LRRC9: variants seen among roughly 807,000 people sequenced by gnomAD.
The protein encoded by LRRC9 is leucine rich repeat containing 9.
In LRRC9, 122 loss-of-function variants were observed where a neutral mutation model predicts 63.2. The observed-to-expected ratio is 1.93, with a 90% confidence interval of 1.67 to 2.24. The LOEUF is 2.24. LRRC9 is among the 30% of genes most tolerant of loss of function. The probability of loss-of-function intolerance (pLI) is 0.00; values close to 1 mark genes in which losing one functional copy is unlikely to be tolerated. For missense variants in LRRC9, 1,071 were observed against 627.7 expected, an observed-to-expected ratio of 1.71 and a Z score of -7.55; for synonymous variants, 366 against 213.1, an observed-to-expected ratio of 1.72 and a Z score of -6.25.
chr14:60,064,562 A>G (rs1438258300), downstream of LRRC9, among the ~76,000 whole-genome samples: 1 of 152,200 alleles, frequency 6.6e-6, no homozygotes, highest in Non-Finnish European at 1.5e-5. Flanking sequence ...TAATATTTAA[A>G]AGTTCAAACC....
chr14:60,055,907 A>AG (rs1491387123), intron 30 of LRRC9, among the ~76,000 whole-genome samples: 4 of 7,002 alleles, frequency 5.7e-4, no homozygotes, highest in South Asian at 4.8e-3. Flanking sequence ...CCTGTCTTGG[A>AG]AAAAAAAAAA....
rs1322685138 is a variant in LRRC9 at position 60,019,119 on chromosome 14, A to G, written c.3427-2A>G. 3.0e-5 allele frequency: 20 copies of G among 669,836 alleles called. No individual in the cohort carries two copies. Among genetic ancestry groups the G allele is most frequent in the Non-Finnish European group, 4.6e-5 (17 of 372,554 alleles). 41.5% of individuals were successfully genotyped at this position (669,836 alleles called of 1,614,324 possible). On this transcript the variant is annotated splice_acceptor_variant, in intron 25 of 31. Transcript: ENST00000445360. LOFTEE classifies it high-confidence loss of function. ...CTGATTAATAAGATATTCTTTCTGT[A>G]GGTCTTATGCCTTAACTATAATCAT...
At chr14:59,977,272 C>T in exon 14 of LRRC9, 1 of 700,682 alleles carries the variant, frequency 1.4e-6, no homozygotes, top group Non-Finnish European at 2.6e-6. Context: ...TGTTCAGGCC[C>T]ATGAAAAAGA....
intron 29 of LRRC9, among the ~76,000 whole-genome samples, chr14:60,052,352 T>C (rs947732647): frequency 1.3e-5 from 2 of 152,248 alleles, no homozygotes; most frequent in Admixed American, 6.5e-5. Flanking sequence ...GCAATTTGTA[T>C]GTTATGTTTT....
At chr14:59,925,056 G>A (rs6573291) in intron 1 of LRRC9, among the ~76,000 whole-genome samples, 5 of 151,604 alleles carry the variant, frequency 3.3e-5, no homozygotes, top group Admixed American at 6.6e-5. Flanking sequence ...TCCTCCCACC[G>A]CTGTCATTCT....
At position 59,936,875 on chromosome 14, in the gene LRRC9, A is replaced by G. The variant is rs1048164643; in HGVS notation, c.544-1515A>G. Among the ~76,000 whole-genome samples, 1 of 151,876 alleles carries G rather than the reference A, an allele frequency of 6.6e-6. No homozygotes were observed. The highest frequency in any genetic ancestry group is 1.5e-5 in the Non-Finnish European group (1 of 67,972). ...ACTTCACTATTCCCTTTTCCATTCC[A>G]TTTTTACTGTAGCTTTAGACCTAAT... On this transcript the variant is annotated intron_variant, in intron 6 of 31. Transcript: ENST00000445360. This position sits in a 1 kb window ranked among gnomAD's most constrained non-coding sequence, Gnocchi z 4.2.
intron 8 of LRRC9, 106 bp downstream of exon 8, chr14:59,944,850 ACACACACACACACACT>A: frequency 2.9e-6 from 1 of 349,344 alleles, no homozygotes. Flanking sequence ...CATATATAAT[ACACACACACACACACT>A]CACACACACA....
At chr14:60,062,011 AC>A (rs1894685963) in intron 31 of LRRC9, 4 of 398,632 alleles carry the variant, frequency 1.0e-5, no homozygotes, top group African/African-American at 2.1e-5. Flanking sequence ...CTAATTTCAG[AC>A]AAAAAAAACA....
chr14:60,048,232 A>G (rs1303411729), intron 29 of LRRC9, among the ~76,000 whole-genome samples: 4 of 152,168 alleles, frequency 2.6e-5, no homozygotes, highest in African/African-American at 9.7e-5. Flanking sequence ...CAAAAGAACT[A>G]GAAACCAAGA....
rs560680685 is a variant in LRRC9, at chr14:59,999,619, G to T, written c.2529+393G>T. Among the ~76,000 whole-genome samples the T allele has an allele frequency of 3.3e-5, 5 of 152,048 alleles. No individual in the cohort carries two copies. The South Asian group carries it at 1.0e-3, about 31-fold the overall frequency. On this transcript the variant is annotated intron_variant, in intron 19 of 31. Transcript: ENST00000445360. ...TTAATATTAACATTATATTTGTTTG[G>T]CTGAAAGGAACAAAATCCATTAACA...
intron 8 of LRRC9, among the ~76,000 whole-genome samples, chr14:59,945,677 T>G (rs1048357205): frequency 2.0e-5 from 3 of 151,970 alleles, no homozygotes; most frequent in Non-Finnish European, 4.4e-5. Flanking sequence ...AAAAAATGTC[T>G]TCAACAAACA....
At chr14:59,985,153 A>G (rs1594942741) in exon 17 of LRRC9, 1 of 693,460 alleles carries the variant, frequency 1.4e-6, no homozygotes, top group African/African-American at 1.8e-5. Flanking sequence ...AGATCTCTCC[A>G]AGTTAACAGG....
intron 30 of LRRC9, chr14:60,057,652 T>TG (rs1228797366): frequency 4.9e-5 from 9 of 183,412 alleles, no homozygotes; most frequent in Non-Finnish European, 7.6e-5. Context: ...CAATGCAGTC[T>TG]GAAAAAAAAA....
chr14:60,007,126 C>G (rs566730611), intron 22 of LRRC9, among the ~76,000 whole-genome samples: 11 of 152,328 alleles, frequency 7.2e-5, no homozygotes, highest in African/African-American at 2.6e-4. Context: ...TGGCCATTTT[C>G]TAACACTATG....
chr14:59,969,784 A>G (rs543697869), intron 12 of LRRC9, among the ~76,000 whole-genome samples: 1 of 152,290 alleles, frequency 6.6e-6, no homozygotes, highest in South Asian at 2.1e-4. Flanking sequence ...TTCCCTACCG[A>G]ATATTGTTTG....
At chr14:59,926,815 G>A (rs1889247492) in intron 1 of LRRC9, among the ~76,000 whole-genome samples, 1 of 152,066 alleles carries the variant, frequency 6.6e-6, no homozygotes, top group East Asian at 1.9e-4. Context: ...CTTTTAGGTA[G>A]AAACCCCAAA....
intron 2 of LRRC9, 48 bp from the exon 3 acceptor site, chr14:59,928,220 T>C: frequency 3.5e-6 from 2 of 565,706 alleles, no homozygotes; most frequent in Non-Finnish European, 3.1e-6. Context: ...AAGTCATCTT[T>C]TAATTATTTA....
Position 60,060,916 on chromosome 14 carries a change from AC to A in LRRC9, c.4277-2406del, listed in dbSNP as rs1433004603. Reference sequence around the variant, plus strand: ...TTTGGATGACTTTGAGGGGTTCAGGACTTCAGTGAAGGAAGTAACTGCAGAT... The same window carrying A: ...TTTGGATGACTTTGAGGGGTTCAGGATTCAGTGAAGGAAGTAACTGCAGAT... On this transcript the variant is annotated intron_variant, in intron 31 of 31. Coordinates refer to ENST00000445360, the Ensembl canonical transcript of LRRC9. This position sits in a 1 kb window ranked among gnomAD's most constrained non-coding sequence, Gnocchi z 4.0. Among the ~76,000 whole-genome samples, 2 of 152,142 alleles carry A rather than the reference AC, an allele frequency of 1.3e-5. No homozygotes were observed. Among genetic ancestry groups the A allele is most frequent in the East Asian group, 3.8e-4 (2 of 5,198 alleles).
exon 8 of LRRC9, chr14:59,944,626 G>C: frequency 3.1e-6 from 2 of 646,176 alleles, no homozygotes; most frequent in Non-Finnish European, 5.5e-6. Context: ...TATAATATGC[G>C]TATAAAAACT....
Sources: gnomAD v4.1 joint callset for allele counts (sites outside exome capture counted in the v4.1 genomes callset) on GRCh38, gnomAD v4.1.1 for gene constraint, Gnocchi (gnomAD v3.1) non-coding constraint, MANE v1.5 for transcripts, NCBI Gene and HGNC (gene_info 2026-07-23, HGNC 2026-07-21) for gene names.